Variants in NOSIP observed in about 807,000 individuals in gnomAD.
NOSIP encodes nitric oxide synthase interacting protein, also known as nitric oxide synthase-interacting protein.
A neutral mutation model predicts 36.4 loss-of-function variants in NOSIP; 25 were observed. That is an observed-to-expected ratio of 0.69 (90% CI 0.50 to 0.96). The LOEUF (loss-of-function observed/expected upper bound fraction) is 0.96. Among genes scored for constraint, NOSIP ranks in the 40% least tolerant of loss-of-function variants. The probability of loss-of-function intolerance (pLI) is 0.00; values close to 1 mark genes in which losing one functional copy is unlikely to be tolerated. For missense variants in NOSIP, 370 were observed against 429.0 expected (o/e 0.86, Z 1.21); for synonymous variants, 187 against 179.2 (o/e 1.04, Z -0.35).
At chr19:49,580,416 G>A (rs2080611155) in intron 1 of NOSIP, 99 bp downstream of exon 1, 1 of 152,002 alleles carries the variant, frequency 6.6e-6, no homozygotes, top group Non-Finnish European at 1.5e-5. Context: ...AGGGAATCGG[G>A]AATCCAAAAT....
In NOSIP at chr19:49,556,670, A is replaced by G; in HGVS notation, c.604T>C (p.Phe202Leu). The G allele has an allele frequency of 6.2e-7, 1 of 1,611,846 alleles. No homozygotes were observed. Among genetic ancestry groups the G allele is most frequent in the Non-Finnish European group, 8.5e-7 (1 of 1,179,358 alleles). Residue 202 changes from phenylalanine (F) to leucine (L), a missense_variant, in exon 7 of 9, where the codon TTC becomes CTC. This residue lies in a region of NOSIP where 315 missense variants were observed against 331.9 expected (regional missense o/e 0.95). Transcript: ENST00000596358. ...LRMSDLTPVH[F>L]TPLDSSVDRV... is the part of the protein sequence containing the mutation. ...TCCACGGAGCTGTCTAGCGGTGTGA[A>G]GTGCACGGGCGTCAGGTCCGACATG...
chr19:49,568,780 A>T (rs751675122), intron 1 of NOSIP, among the ~76,000 whole-genome samples: 13 of 116,560 alleles, frequency 1.1e-4, no homozygotes, highest in Middle Eastern at 3.9e-3. Flanking sequence ...CCCCATCTCT[A>T]AAAAAAAAAA....
intron 1 of NOSIP, among the ~76,000 whole-genome samples, chr19:49,564,473 A>C (rs914249497): frequency 4.0e-5 from 6 of 151,386 alleles, no homozygotes; most frequent in South Asian, 2.1e-4. Context: ...AAAAAAAAAA[A>C]AAACAAAATA....
intron 1 of NOSIP, among the ~76,000 whole-genome samples, chr19:49,562,845 A>G (rs2080353618): frequency 6.6e-6 from 1 of 152,078 alleles, no homozygotes; most frequent in African/African-American, 2.4e-5. Flanking sequence ...GCACCACTAC[A>G]CTCCAGCCTG....
Position 49,556,251 on chromosome 19 carries a change from G to A in NOSIP, c.834+66C>T, listed in dbSNP as rs1462739771. 9.8e-6 allele frequency: 9 copies of A among 918,870 alleles called. No homozygotes were observed. The Admixed American group carries it at 1.6e-4, about 16-fold the overall frequency. 56.9% of individuals were successfully genotyped at this position (918,870 alleles called of 1,614,324 possible). On this transcript the variant is annotated intron_variant, in intron 8 of 8. Transcript: ENST00000596358. ...GGGGAAGGGGAGGGGACGAAGCCTT[G>A]GAGGGGGTGAAGGGGAGGGGCGGGG...
At chr19:49,579,829 G>C (rs2080601864) in intron 1 of NOSIP, among the ~76,000 whole-genome samples, 1 of 152,108 alleles carries the variant, frequency 6.6e-6, no homozygotes, top group African/African-American at 2.4e-5. Flanking sequence ...GGTGATTTGG[G>C]TGACAGGAAT....
chr19:49,563,178 TTTTG>T (rs953081513), intron 1 of NOSIP, among the ~76,000 whole-genome samples: 1 of 150,274 alleles, frequency 6.7e-6, no homozygotes, highest in African/African-American at 2.5e-5. Flanking sequence ...CGTTTTTTCT[TTTTG>T]TTTTTTTTTT....
chr19:49,580,398 T>C (rs1002981030), intron 1 of NOSIP, 117 bp downstream of exon 1: 1 of 152,038 alleles, frequency 6.6e-6, no homozygotes, highest in Admixed American at 6.6e-5. Context: ...GTATTAATAA[T>C]GATTGACAGG....
At chr19:49,562,470 G>A (rs1478607754) in intron 1 of NOSIP, among the ~76,000 whole-genome samples, 2 of 151,968 alleles carry the variant, frequency 1.3e-5, no homozygotes, top group Non-Finnish European at 2.9e-5. Flanking sequence ...CCAGGCTCAG[G>A]GCTCACGCCT....
At chr19:49,567,372 C>G (rs1417529113) in intron 1 of NOSIP, among the ~76,000 whole-genome samples, 1 of 152,044 alleles carries the variant, frequency 6.6e-6, no homozygotes, top group African/African-American at 2.4e-5. Flanking sequence ...CCGCCCGCCT[C>G]GGCCTCCCAA....
intron 1 of NOSIP, among the ~76,000 whole-genome samples, chr19:49,564,470 A>C (rs865996217): frequency 3.4e-4 from 51 of 151,466 alleles, no homozygotes; most frequent in Non-Finnish European, 5.2e-4. Flanking sequence ...AAAAAAAAAA[A>C]AAAAAACAAA....
rs749163653 is a variant in NOSIP at position 49,557,265 on chromosome 19, T to C, written c.259-16A>G. On this transcript the variant is annotated splice_polypyrimidine_tract_variant and intron_variant, in intron 4 of 8. Coordinates refer to ENST00000596358, the MANE Select transcript of NOSIP (RefSeq NM_001270960.2). ...TCTCGTAGGCCTGCGTCGGGGAAAGTGGGCTGAGCATCTGCCCGTGGGGCT... is the reference window on the plus strand; with the variant it reads ...TCTCGTAGGCCTGCGTCGGGGAAAGCGGGCTGAGCATCTGCCCGTGGGGCT... 1 of 1,565,946 alleles carries C rather than the reference T, an allele frequency of 6.4e-7. No individual in the cohort carries two copies. The highest frequency in any genetic ancestry group is 1.2e-5 in the South Asian group (1 of 86,062).
intron 3 of NOSIP, 165 bp from the exon 4 acceptor site, chr19:49,559,143 A>G: frequency 1.5e-6 from 1 of 648,900 alleles, no homozygotes; most frequent in Non-Finnish European, 2.8e-6. Flanking sequence ...GTGATAGTTT[A>G]CTGCAGTGAA....
At chr19:49,559,900 C>G (rs1224058008) in intron 3 of NOSIP, 34 bp downstream of exon 3, 1 of 1,531,320 alleles carries the variant, frequency 6.5e-7, no homozygotes, top group Admixed American at 1.8e-5. Context: ...TTGCTCTCCC[C>G]ACCCAGACCT....
rs114223209 is a variant in NOSIP, at chr19:49,555,923, G to C, written c.835-101C>G. The C allele has an allele frequency of 1.6e-3, 1,367 of 843,884 alleles. 7 individuals carry two copies. In the African/African-American group the frequency reaches 0.02, roughly 12 times the overall value. 52.3% of individuals were successfully genotyped at this position (843,884 alleles called of 1,614,324 possible). On this transcript the variant is annotated intron_variant, in intron 8 of 8. Coordinates refer to ENST00000596358, the MANE Select transcript of NOSIP (RefSeq NM_001270960.2). ...ATTCCTAAGCGGGTCAAGGTGAAGCGGGTTGCTGGCTAAGGAGTAGGAGTT... is the reference window on the plus strand; with the variant it reads ...ATTCCTAAGCGGGTCAAGGTGAAGCCGGTTGCTGGCTAAGGAGTAGGAGTT...
chr19:49,577,767 GAAAAA>G (rs61302412), intron 1 of NOSIP, among the ~76,000 whole-genome samples: 9 of 121,650 alleles, frequency 7.4e-5, no homozygotes, highest in African/African-American at 2.1e-4. Context: ...CGTGTCTCGG[GAAAAA>G]AAAAAAAAAA....
intron 1 of NOSIP, among the ~76,000 whole-genome samples, chr19:49,571,672 G>A (rs2080485716): frequency 6.6e-6 from 1 of 151,986 alleles, no homozygotes; most frequent in African/African-American, 2.4e-5. Flanking sequence ...AGTTTTCCTA[G>A]GAAAGTCACA....
In NOSIP at chr19:49,555,806, G is replaced by A. The variant is rs1228739217; in HGVS notation, c.851C>T (p.Ala284Val). Residue 284 changes from alanine (A) to valine (V), a missense_variant, in exon 9 of 9, where the codon GCG becomes GTG. By Grantham distance (64) the Ala-to-Val change is moderately conservative. This residue lies in a region of NOSIP where 18 missense variants were observed against 36.9 expected (regional missense o/e 0.49). Transcript: ENST00000596358. Reference protein sequence around the residue: ...IVLQRGGTGFAGSGVKLQAEK... With the variant: ...IVLQRGGTGFVGSGVKLQAEK... The stretch of plus-strand genomic sequence containing the variant: ...CGCTTGCAGCTTCACTCCGGAGCCC[G>A]CGAAGCCGGTACCGCCCTGGGGGAG... 4.3e-6 allele frequency: 7 copies of A among 1,613,110 alleles called. No homozygotes were observed. Among genetic ancestry groups the A allele is most frequent in the African/African-American group, 1.3e-5 (1 of 74,886 alleles).
At chr19:49,559,308 C>T (rs938439056) in intron 3 of NOSIP, 2 of 236,718 alleles carry the variant, frequency 8.4e-6, no homozygotes, top group African/African-American at 2.3e-5. Flanking sequence ...GTTGCAGCCA[C>T]GAGTTCGAGA....
Sources: gnomAD v4.1 joint callset for allele counts (sites outside exome capture counted in the v4.1 genomes callset) on GRCh38, gnomAD v4.1.1 for gene constraint, gnomAD v4.1.1 regional missense constraint, MANE v1.5 for transcripts, NCBI Gene and HGNC (gene_info 2026-07-23, HGNC 2026-07-21) for gene names.